Variants in ENTPD5 observed in about 807,000 individuals in gnomAD.
The protein encoded by ENTPD5 is nucleoside diphosphate phosphatase ENTPD5.
A neutral mutation model predicts 60.2 loss-of-function variants in ENTPD5; 49 were observed. The observed-to-expected ratio is 0.81, with a 90% CI of 0.65 to 1.03. The LOEUF (loss-of-function observed/expected upper bound fraction) is 1.03. Among genes scored for constraint, ENTPD5 ranks in the 50% least tolerant of loss-of-function variants. The pLI is 0.00. For synonymous variants in ENTPD5, 187 were observed against 185.4 expected (o/e 1.01, Z -0.07); for missense variants, 480 against 507.6 (o/e 0.95, Z 0.52).
intron 3 of ENTPD5, among the ~76,000 whole-genome samples, chr14:74,002,720 T>A (rs1177321714): frequency 6.6e-6 from 1 of 152,218 alleles, no homozygotes; most frequent in Non-Finnish European, 1.5e-5. Flanking sequence ...CTTCCTGCTT[T>A]TATCCTCACT....
chr14:73,993,836 A>G (rs1445491017), intron 3 of ENTPD5, among the ~76,000 whole-genome samples: 2 of 151,372 alleles, frequency 1.3e-5, no homozygotes, highest in Non-Finnish European at 2.9e-5. Context: ...TCCAGCTTCT[A>G]TTTCTATTAA....
At chr14:74,012,291 AG>A (rs78774733) in intron 2 of ENTPD5, among the ~76,000 whole-genome samples, 20,669 of 148,508 alleles carry the variant, frequency 0.14, 1,990 homozygotes, top group East Asian at 0.57. Flanking sequence ...TTTAGTAGAG[AG>A]GGGGGGGTTT....
intron 10 of ENTPD5, among the ~76,000 whole-genome samples, chr14:73,975,658 C>T (rs2057410465): frequency 6.6e-6 from 1 of 152,138 alleles, no homozygotes; most frequent in South Asian, 2.1e-4. Context: ...CCCACCTCGG[C>T]CTCCCAAAGT....
At chr14:73,959,446 C>T (rs1266875914), downstream of ENTPD5, 3 of 1,614,182 alleles carry the variant, frequency 1.9e-6, no homozygotes, top group Admixed American at 5.0e-5. Context: ...TTGGTTTGGT[C>T]CACGTCCCAT....
At chr14:73,958,110 C>T, downstream of ENTPD5, 1 of 1,573,534 alleles carries the variant, frequency 6.4e-7, no homozygotes, top group Non-Finnish European at 8.7e-7. Flanking sequence ...TGTGGCCCAC[C>T]TTTCTAATTT....
intron 1 of ENTPD5, among the ~76,000 whole-genome samples, chr14:74,016,917 T>C (rs947568734): frequency 6.6e-6 from 1 of 152,208 alleles, no homozygotes; most frequent in Non-Finnish European, 1.5e-5. Context: ...ACATACAAAA[T>C]TAATGGTAAC....
chr14:74,001,168 G>A (rs2058493720), intron 3 of ENTPD5, among the ~76,000 whole-genome samples: 1 of 151,926 alleles, frequency 6.6e-6, no homozygotes, highest in Non-Finnish European at 1.5e-5. Flanking sequence ...GACTAGCCTG[G>A]GCAACATAGT....
chr14:74,001,354 T>G (rs1240317210), intron 3 of ENTPD5, among the ~76,000 whole-genome samples: 1 of 151,694 alleles, frequency 6.6e-6, no homozygotes, highest in Non-Finnish European at 1.5e-5. Flanking sequence ...TACAAAAAAT[T>G]AGCTGGGTGT....
At chr14:73,959,002 G>A (rs146408955), downstream of ENTPD5, 27 of 1,614,066 alleles carry the variant, frequency 1.7e-5, no homozygotes, top group African/African-American at 1.3e-4. Flanking sequence ...TCCGGAGTAC[G>A]GCAGGCTGTT....
chr14:73,961,184 T>C (rs573471812), downstream of ENTPD5: 2 of 1,613,814 alleles, frequency 1.2e-6, no homozygotes, highest in Admixed American at 3.3e-5. Context: ...GGAGTGATGC[T>C]GACCACACGG....
rs561858085 is a variant in ENTPD5, at chr14:73,994,680, A to G, written c.-70-6508T>C. 3.1e-4 allele frequency among the ~76,000 whole-genome samples: 47 copies of G among 151,204 alleles called. 1 individual carries two copies. Among genetic ancestry groups the G allele is most frequent in the African/African-American group, 1.1e-3 (45 of 41,204 alleles). On this transcript the variant is annotated intron_variant, in intron 3 of 15. Transcript: ENST00000334696. ...CCCGGGAGGCGGAGGTTGCAATGAG[A>G]TAAGATTGCACCAGCACTCCAGCCT...
At chr14:73,958,294 A>G, downstream of ENTPD5, 6 of 1,613,686 alleles carry the variant, frequency 3.7e-6, no homozygotes, top group Non-Finnish European at 5.1e-6. Context: ...GAAGATTCTT[A>G]TTTTGCTAGG....
intron 1 of ENTPD5, among the ~76,000 whole-genome samples, chr14:74,017,037 G>A (rs1251940110): frequency 6.6e-6 from 1 of 152,194 alleles, no homozygotes; most frequent in Non-Finnish European, 1.5e-5. Flanking sequence ...AGCTATGATC[G>A]GCCAGGCGTG....
chr14:73,997,348 T>C lies in ENTPD5; in HGVS notation c.-70-9176A>G, dbSNP rs2058369980. 2.0e-5 allele frequency among the ~76,000 whole-genome samples: 3 copies of C among 152,070 alleles called. No homozygotes were observed. In the South Asian group the frequency reaches 6.2e-4, roughly 31 times the overall value. ...TTTCTGTTGACTCCCTAAGCAAATATCATTATTGATTGACTTGGATAAAAT... is the reference window on the plus strand; with the variant it reads ...TTTCTGTTGACTCCCTAAGCAAATACCATTATTGATTGACTTGGATAAAAT... On this transcript the variant is annotated intron_variant, in intron 3 of 15. Transcript: ENST00000334696.
In ENTPD5 at chr14:73,963,612, G is replaced by A. The variant is rs1719708206; in HGVS notation, c.*3316C>T. On this transcript the variant is annotated 3_prime_UTR_variant, in exon 16 of 16. Coordinates refer to ENST00000334696, the MANE Select transcript of ENTPD5 (RefSeq NM_001249.5). ...TTAATAAAACAATAAATAATTCATT[G>A]CACAGATCCGAAGACCTCAGGAACC... The A allele has an allele frequency of 1.9e-5, 3 of 154,668 alleles. No individual in the cohort carries two copies. The highest frequency in any genetic ancestry group is 6.5e-5 in the Admixed American group (1 of 15,464). 9.6% of individuals were successfully genotyped at this position (154,668 alleles called of 1,614,324 possible).
At position 73,963,761 on chromosome 14, in the gene ENTPD5, T is replaced by C. The variant is rs777186994; in HGVS notation, c.*3167A>G. 1 of 152,280 alleles carries C rather than the reference T, an allele frequency of 6.6e-6. No homozygotes were observed. The highest frequency in any genetic ancestry group is 6.5e-5 in the Admixed American group (1 of 15,280). The allele number at this position is 152,280 out of a possible 1,614,324, so 9.4% of individuals were successfully genotyped here. On this transcript the variant is annotated 3_prime_UTR_variant, in exon 16 of 16. Transcript: ENST00000334696. The stretch of plus-strand genomic sequence containing the variant: ...AGAGGTCTCGTCACAAGACCAGAGA[T>C]GCCTCTTGAAGAGATTTTTAGGTTG...
At chr14:73,989,863 C>T (rs908798472) in intron 3 of ENTPD5, among the ~76,000 whole-genome samples, 5 of 138,480 alleles carry the variant, frequency 3.6e-5, no homozygotes, top group African/African-American at 8.2e-5. Flanking sequence ...AAAAATTAGC[C>T]GGGCTTGGTG....
Position 73,963,300 on chromosome 14 carries a change from T to C in ENTPD5, c.*3628A>G. On this transcript the variant is annotated 3_prime_UTR_variant, in exon 16 of 16. Coordinates refer to ENST00000334696, the MANE Select transcript of ENTPD5 (RefSeq NM_001249.5). Reference sequence around the variant, plus strand: ...TGTCTCACTCATTTCCAGTTAATCATTTCTAAAGAGAAAATTTACATTTTG... The same window carrying C: ...TGTCTCACTCATTTCCAGTTAATCACTTCTAAAGAGAAAATTTACATTTTG... 2.1e-6 allele frequency: 1 copy of C among 471,346 alleles called. No individual in the cohort carries two copies. The highest frequency in any genetic ancestry group is 3.7e-6 in the Non-Finnish European group (1 of 269,082). 29.2% of individuals were successfully genotyped at this position (471,346 alleles called of 1,614,324 possible).
intron 14 of ENTPD5, among the ~76,000 whole-genome samples, chr14:73,971,339 G>A (rs1258029503): frequency 1.3e-5 from 2 of 151,868 alleles, no homozygotes; most frequent in African/African-American, 2.4e-5. Context: ...TGTATTTTTA[G>A]TAGAGATGGG....
Sources: allele counts gnomAD v4.1 joint callset (sites outside exome capture counted in the v4.1 genomes callset), GRCh38; gene constraint gnomAD v4.1.1; transcripts MANE v1.5; gene names NCBI Gene and HGNC (gene_info 2026-07-23, HGNC 2026-07-21).